The following COG3 variants were observed in gnomAD, a reference collection of about 807,000 sequenced individuals.
The protein encoded by COG3 is conserved oligomeric Golgi complex subunit 3.
COG3 carries 32 observed loss-of-function variants against 114.1 expected under a neutral mutation model. That is an observed-to-expected ratio of 0.28 (90% CI 0.21 to 0.38). The LOEUF (loss-of-function observed/expected upper bound fraction) is 0.38, where lower values mean the gene tolerates loss of function less well. COG3 is among the 10% of genes least tolerant of loss of function. The probability of loss-of-function intolerance (pLI) is 1.00; values close to 1 mark genes in which losing one functional copy is unlikely to be tolerated. For missense variants in COG3, 813 were observed against 973.2 expected (o/e 0.84, Z 2.19); for synonymous variants, 352 against 365.7 (o/e 0.96, Z 0.43).
At chr13:45,486,873 A>G (rs1054562237) in intron 8 of COG3, among the ~76,000 whole-genome samples, 1 of 152,198 alleles carries the variant, frequency 6.6e-6, no homozygotes, top group African/African-American at 2.4e-5. Flanking sequence ...AGGTGTTTTG[A>G]TAAAGAGAGA....
chr13:45,523,294 A>G (rs1872363711), intron 19 of COG3, among the ~76,000 whole-genome samples: 1 of 152,144 alleles, frequency 6.6e-6, no homozygotes, highest in South Asian at 2.1e-4. Flanking sequence ...CTTCAGTAAC[A>G]CTATAAACTT....
Position 45,510,235 on chromosome 13 carries a change from C to G in COG3, c.1719+419C>G, listed in dbSNP as rs926783423. Among the ~76,000 whole-genome samples the G allele has an allele frequency of 5.3e-5, 8 of 152,152 alleles. No homozygotes were observed. In the East Asian group the frequency reaches 1.5e-3, roughly 29 times the overall value. ...AGATATTTTATATTGTAGGACTGCA[C>G]AGTTGTTTCATTGGGTCAGTAGAAT... On this transcript the variant is annotated intron_variant, in intron 15 of 22. Transcript: ENST00000349995.
At chr13:45,531,432 C>G (rs1029567706) in intron 22 of COG3, 1 of 151,866 alleles carries the variant, frequency 6.6e-6, no homozygotes. Flanking sequence ...ATCAGGCTGG[C>G]AAGAGCCTGA....
chr13:45,510,384 C>T (rs1269199429), intron 15 of COG3, among the ~76,000 whole-genome samples: 1 of 152,212 alleles, frequency 6.6e-6, no homozygotes, highest in Non-Finnish European at 1.5e-5. Context: ...CCCAGATCAC[C>T]TCTACAGACT....
At chr13:45,500,094 G>GTATA (rs3083326) in intron 13 of COG3, among the ~76,000 whole-genome samples, 2 of 114,890 alleles carry the variant, frequency 1.7e-5, no homozygotes, top group African/African-American at 6.9e-5. Flanking sequence ...GTGTGTGTGT[G>GTATA]TATATATATA....
At chr13:45,467,404 C>T (rs540191072) in intron 1 of COG3, among the ~76,000 whole-genome samples, 1 of 152,302 alleles carries the variant, frequency 6.6e-6, no homozygotes, top group Admixed American at 6.5e-5. Flanking sequence ...CCAGCCTGGC[C>T]AACATGGCGA....
chr13:45,484,977 T>C (rs1166338824), intron 7 of COG3, among the ~76,000 whole-genome samples: 2 of 142,052 alleles, frequency 1.4e-5, no homozygotes, highest in African/African-American at 5.2e-5. Flanking sequence ...CAGAACAAAA[T>C]GAAAAGTCTC....
At chr13:45,509,864 TTTTAAA>T in intron 15 of COG3, 48 bp downstream of exon 15, 1 of 1,461,310 alleles carries the variant, frequency 6.8e-7, no homozygotes, top group Non-Finnish European at 9.3e-7. Flanking sequence ...CTTGAAATAT[TTTTAAA>T]TTTACATTTT....
intron 1 of COG3, among the ~76,000 whole-genome samples, chr13:45,470,188 T>C (rs1885390692): frequency 6.6e-6 from 1 of 152,196 alleles, no homozygotes; most frequent in South Asian, 2.1e-4. Context: ...TATACTGTTA[T>C]TTGGGTTTAA....
intron 12 of COG3, among the ~76,000 whole-genome samples, chr13:45,495,284 C>T (rs894942294): frequency 6.6e-6 from 1 of 151,338 alleles, no homozygotes; most frequent in African/African-American, 2.4e-5. Context: ...CACCATGCCT[C>T]GCCTAATGTG....
At position 45,509,593 on chromosome 13, in the gene COG3, T is replaced by C. The variant is rs1003576324; in HGVS notation, c.1595-99T>C. The C allele has an allele frequency of 1.6e-5, 24 of 1,471,488 alleles. No homozygotes were observed. In the African/African-American group the frequency reaches 1.9e-4, roughly 12 times the overall value. The allele number at this position is 1,471,488 out of a possible 1,614,324, so 91.2% of individuals were successfully genotyped here. On this transcript the variant is annotated intron_variant, in intron 14 of 22. Coordinates refer to ENST00000349995, the MANE Select transcript of COG3 (RefSeq NM_031431.4). ...AAAATTGGTGCCCTCTAGCTACTTA[T>C]AGCTAATGAGAATAAGCAGTTTATA...
At chr13:45,480,706 C>T (rs1009017740) in intron 4 of COG3, among the ~76,000 whole-genome samples, 11 of 152,286 alleles carry the variant, frequency 7.2e-5, no homozygotes, top group Admixed American at 3.3e-4. Flanking sequence ...GCTGGGATTA[C>T]AGGCGTGTGC....
chr13:45,478,870 A>G (rs958149451), intron 2 of COG3, 135 bp from the exon 3 acceptor site: 3 of 666,120 alleles, frequency 4.5e-6, no homozygotes, highest in African/African-American at 3.7e-5. Context: ...CTCCTGGCCT[A>G]AAACTGATTA....
chr13:45,490,340 G>C (rs1216217909), intron 8 of COG3, among the ~76,000 whole-genome samples: 3 of 152,204 alleles, frequency 2.0e-5, no homozygotes, highest in Non-Finnish European at 4.4e-5. Context: ...GTTTTATACA[G>C]TAGGGAGTGG....
intron 1 of COG3, among the ~76,000 whole-genome samples, chr13:45,473,936 A>G (rs1333399610): frequency 6.6e-6 from 1 of 152,158 alleles, no homozygotes; most frequent in African/African-American, 2.4e-5. Flanking sequence ...CAGTCCTTTT[A>G]TACTCAGGGA....
At chr13:45,490,418 A>G (rs999533858) in intron 8 of COG3, among the ~76,000 whole-genome samples, 1 of 152,174 alleles carries the variant, frequency 6.6e-6, no homozygotes, top group Non-Finnish European at 1.5e-5. Context: ...GGAACCCTCT[A>G]GTTTCACTCA....
intron 19 of COG3, among the ~76,000 whole-genome samples, chr13:45,521,577 G>GCGCGCACACACA (rs147991863): frequency 6.3e-4 from 94 of 148,476 alleles, no homozygotes; most frequent in African/African-American, 1.9e-3. Flanking sequence ...ATACATACGT[G>GCGCGCACACACA]CACACACACA....
intron 8 of COG3, among the ~76,000 whole-genome samples, chr13:45,490,325 C>T (rs1284781477): frequency 6.6e-6 from 1 of 152,188 alleles, no homozygotes; most frequent in East Asian, 1.9e-4. Flanking sequence ...GGTGTTATTA[C>T]ACCAGTTTTA....
chr13:45,508,355 A>G (rs985571532), intron 14 of COG3, among the ~76,000 whole-genome samples: 31 of 148,070 alleles, frequency 2.1e-4, no homozygotes, highest in African/African-American at 7.4e-4. Flanking sequence ...CTTGGATTCA[A>G]GACTTAACAT....
Sources: gnomAD v4.1 joint callset for allele counts (sites outside exome capture counted in the v4.1 genomes callset) on GRCh38, gnomAD v4.1.1 for gene constraint, MANE v1.5 for transcripts, NCBI Gene and HGNC (gene_info 2026-07-23, HGNC 2026-07-21) for gene names.